KARS1: variants seen among roughly 807,000 people sequenced by gnomAD.
KARS1 encodes lysine--tRNA ligase.
In KARS1, 50 loss-of-function variants were observed where a neutral mutation model predicts 63.9. The ratio of observed to expected loss-of-function variants is 0.78; its 90% confidence interval spans 0.62 to 0.99. The LOEUF is 0.99. Ranked by LOEUF, KARS1 falls within the 50% of genes least tolerant of loss-of-function variation. KARS1 has a pLI of 0.00. For missense variants in KARS1, 816 were observed against 754.5 expected, an observed-to-expected ratio of 1.08 and a Z score of -0.95; for synonymous variants, 320 against 264.6, an observed-to-expected ratio of 1.21 and a Z score of -2.03.
At chr16:75,628,941 C>G (rs1471688747) in intron 12 of KARS1, 2 of 577,810 alleles carry the variant, frequency 3.5e-6, no homozygotes, top group African/African-American at 1.9e-5. Flanking sequence ...ACAAATTTCT[C>G]TGAAAGAAAA....
chr16:75,635,893 G>A lies in KARS1; in HGVS notation c.669+19C>T. 6.2e-7 allele frequency: 1 copy of A among 1,613,760 alleles called. No individual in the cohort carries two copies. The highest frequency in any genetic ancestry group is 8.5e-7 in the Non-Finnish European group (1 of 1,179,672). ...ACAGAAAGCTAGGAGGCCACAGCTA[G>A]GAGGCCAAGAACGCTTACCTTGTCT... is the stretch of plus-strand genomic sequence containing the variant. On this transcript the variant is annotated intron_variant, in intron 5 of 13. Transcript: ENST00000302445.
chr16:75,638,577 G>A (rs953651748), intron 3 of KARS1, among the ~76,000 whole-genome samples: 1 of 152,098 alleles, frequency 6.6e-6, no homozygotes, highest in African/African-American at 2.4e-5. Flanking sequence ...ATTAGAACTA[G>A]AAAAACTAAG....
At chr16:75,644,364 C>T (rs773707753) in intron 1 of KARS1, 7 of 1,612,074 alleles carry the variant, frequency 4.3e-6, no homozygotes, top group South Asian at 1.1e-5. Context: ...CCTGTGACCC[C>T]ACTCTGCCCA....
At chr16:75,630,993 T>G (rs559903119) in intron 10 of KARS1, among the ~76,000 whole-genome samples, 175 bp downstream of exon 10, 7 of 152,288 alleles carry the variant, frequency 4.6e-5, no homozygotes, top group African/African-American at 1.7e-4. Flanking sequence ...CATAAATTAT[T>G]TGGCACAGAG....
intron 12 of KARS1, chr16:75,629,057 C>T (rs2082081831): frequency 2.1e-6 from 1 of 467,654 alleles, no homozygotes; most frequent in Non-Finnish European, 3.9e-6. Flanking sequence ...CCTGTCAACA[C>T]CTGCTGCAGG....
At chr16:75,641,388 AT>A (rs1311542898) in intron 2 of KARS1, among the ~76,000 whole-genome samples, 175 bp downstream of exon 2, 3 of 152,168 alleles carry the variant, frequency 2.0e-5, no homozygotes, top group Admixed American at 2.0e-4. Flanking sequence ...GGGGGTTGAC[AT>A]AAAAAACACT....
At chr16:75,633,763 C>T (rs1421857255) in intron 7 of KARS1, among the ~76,000 whole-genome samples, 13 of 152,174 alleles carry the variant, frequency 8.5e-5, no homozygotes, top group Non-Finnish European at 1.6e-4. Flanking sequence ...GTGATCCATC[C>T]GCCTTGGCCT....
At chr16:75,634,057 A>G in intron 7 of KARS1, 116 bp downstream of exon 7, 1 of 1,127,388 alleles carries the variant, frequency 8.9e-7, no homozygotes, top group South Asian at 1.2e-5. Context: ...CCATCAGAAC[A>G]CTTTCTTGGC....
At chr16:75,645,042 C>T (rs1388607245) in intron 1 of KARS1, among the ~76,000 whole-genome samples, 1 of 152,204 alleles carries the variant, frequency 6.6e-6, no homozygotes, top group African/African-American at 2.4e-5. Flanking sequence ...ACAGAGATCA[C>T]CTTCTTTACC....
chr16:75,640,424 G>T, intron 2 of KARS1, 75 bp from the exon 3 acceptor site: 1 of 1,391,798 alleles, frequency 7.2e-7, no homozygotes, highest in East Asian at 2.3e-5. Context: ...CTAGCAGAGG[G>T]CAGTATTCTG....
At chr16:75,647,405 G>C in intron 1 of KARS1, 173 bp downstream of exon 1, 1 of 696,854 alleles carries the variant, frequency 1.4e-6, no homozygotes, top group Non-Finnish European at 2.6e-6. Flanking sequence ...GGCGTGCCCG[G>C]GGTATCCCGG....
intron 6 of KARS1, 137 bp from the exon 7 acceptor site, chr16:75,634,429 G>T: frequency 1.2e-6 from 1 of 856,746 alleles, no homozygotes; most frequent in Non-Finnish European, 1.9e-6. Context: ...ATGTGCAAGT[G>T]CTTGACAAAA....
At position 75,641,710 on chromosome 16, in the gene KARS1, G is replaced by T. The variant is rs748756102; in HGVS notation, c.76C>A (p.Arg26Ser). ...GCTACTTTCTTCTCAGCTTTCAGGC[G>T]TCTCTTCAGCTCACTGTTGGAAAGA... ...PKLSKNELKR[R>S]LKAEKKVAEK... Residue 26 changes from arginine (R) to serine (S), a missense_variant, in exon 2 of 14, where the codon CGC (arginine) becomes AGC (serine). Physicochemically the swap from Arg to Ser is moderately radical, Grantham distance 110 (BLOSUM62 -1). Transcript: ENST00000302445. 1 of 1,613,762 alleles carries T rather than the reference G, an allele frequency of 6.2e-7. No individual in the cohort carries two copies. Among genetic ancestry groups the T allele is most frequent in the Admixed American group, 1.7e-5 (1 of 60,014 alleles).
chr16:75,646,029 C>T (rs1186346084), intron 1 of KARS1, among the ~76,000 whole-genome samples: 2 of 152,038 alleles, frequency 1.3e-5, no homozygotes, highest in African/African-American at 4.8e-5. Context: ...GATCGTATAT[C>T]ACAGATATAC....
intron 1 of KARS1, among the ~76,000 whole-genome samples, chr16:75,642,190 T>A (rs941576712): frequency 1.3e-5 from 1 of 74,638 alleles, no homozygotes; most frequent in Non-Finnish European, 2.3e-5. Flanking sequence ...CAGGTCTTTT[T>A]TTTTTTTTTT....
chr16:75,641,077 G>A (rs1038681942), intron 2 of KARS1, among the ~76,000 whole-genome samples: 1 of 152,128 alleles, frequency 6.6e-6, no homozygotes, highest in African/African-American at 2.4e-5. Context: ...GCTGAGGAAG[G>A]AGAATCACTT....
chr16:75,641,248 T>C (rs1199068484), intron 2 of KARS1, among the ~76,000 whole-genome samples: 13 of 152,148 alleles, frequency 8.5e-5, no homozygotes, highest in Admixed American at 8.5e-4. Context: ...TGGACTGTAG[T>C]TGGCCAGCCC....
chr16:75,639,902 A>G (rs979345260), intron 3 of KARS1: 1 of 450,970 alleles, frequency 2.2e-6, no homozygotes. Context: ...AAAGACTGGA[A>G]TTCTTAGAAG....
In KARS1 at chr16:75,635,368, G is replaced by A. The variant is rs11649388; in HGVS notation, c.795+312C>T. The A allele has an allele frequency of 0.16, 55,800 of 344,586 alleles. 5,033 individuals are homozygous for A. Among genetic ancestry groups the A allele is most frequent in the Non-Finnish European group, 0.2 (35,339 of 177,444 alleles). The allele number at this position is 344,586 out of a possible 1,614,324, so 21.3% of individuals were successfully genotyped here. Reference sequence around the variant, plus strand: ...ATTGTTTGAATTTGTTTTATGGTACGTGTGTTTGCCTTTCTCATATAATCA... The same window carrying A: ...ATTGTTTGAATTTGTTTTATGGTACATGTGTTTGCCTTTCTCATATAATCA... On this transcript the variant is annotated intron_variant, in intron 6 of 13. Coordinates refer to ENST00000302445, the MANE Select transcript of KARS1 (RefSeq NM_005548.3).
Sources: gnomAD v4.1 joint callset for allele counts (sites outside exome capture counted in the v4.1 genomes callset) on GRCh38, gnomAD v4.1.1 for gene constraint, MANE v1.5 for transcripts, NCBI Gene and HGNC (gene_info 2026-07-23, HGNC 2026-07-21) for gene names.